WDFY2: variants seen among roughly 807,000 people sequenced by gnomAD.
WDFY2 encodes WD repeat and FYVE domain containing 2, also known as WD repeat and FYVE domain-containing protein 2.
A neutral mutation model predicts 56.4 loss-of-function variants in WDFY2; 36 were observed. That is an observed-to-expected ratio of 0.64 (90% CI 0.49 to 0.84). The LOEUF (loss-of-function observed/expected upper bound fraction) is 0.84. WDFY2 is among the 40% of genes least tolerant of loss of function. WDFY2 has a pLI of 0.00. For missense variants in WDFY2, 444 were observed against 512.2 expected, an observed-to-expected ratio of 0.87 and a Z score of 1.29; for synonymous variants, 176 against 183.7, an observed-to-expected ratio of 0.96 and a Z score of 0.34.
rs779441890 is a variant in WDFY2 at position 51,727,670 on chromosome 13, C to G, written c.486-8C>G. ...TTTGAGAAACAATCCTTAATGCTTTCATGACAGATTTGATGTTGAAACCCG... is the reference window on the plus strand; with the variant it reads ...TTTGAGAAACAATCCTTAATGCTTTGATGACAGATTTGATGTTGAAACCCG... On this transcript the variant is annotated splice_polypyrimidine_tract_variant and splice_region_variant and intron_variant, in intron 5 of 11. Coordinates refer to ENST00000298125, the MANE Select transcript of WDFY2 (RefSeq NM_052950.4). The G allele has an allele frequency of 6.2e-7, 1 of 1,611,448 alleles. No homozygotes were observed. The highest frequency in any genetic ancestry group is 8.5e-7 in the Non-Finnish European group (1 of 1,178,796).
At chr13:51,607,575 T>G (rs1954406184) in intron 1 of WDFY2, among the ~76,000 whole-genome samples, 1 of 152,204 alleles carries the variant, frequency 6.6e-6, no homozygotes, top group East Asian at 1.9e-4. Flanking sequence ...CATAAAATAA[T>G]GTATCTTATC....
At chr13:51,703,532 T>C (rs943499487) in intron 3 of WDFY2, 64 bp from the exon 4 acceptor site, 2 of 1,266,676 alleles carry the variant, frequency 1.6e-6, no homozygotes, top group African/African-American at 3.0e-5. Flanking sequence ...AGTCTGGTTT[T>C]ACCAAATATA....
intron 1 of WDFY2, among the ~76,000 whole-genome samples, chr13:51,640,992 C>A (rs1174481109): frequency 1.3e-5 from 2 of 152,188 alleles, no homozygotes; most frequent in African/African-American, 4.8e-5. Flanking sequence ...TTCTGCTCTG[C>A]TGTATTTAAT....
intron 2 of WDFY2, among the ~76,000 whole-genome samples, chr13:51,672,785 T>C (rs1955828066): frequency 6.6e-6 from 1 of 152,220 alleles, no homozygotes; most frequent in African/African-American, 2.4e-5. Context: ...ATCCCAAGTA[T>C]GTTATTTTAT....
intron 1 of WDFY2, among the ~76,000 whole-genome samples, chr13:51,642,719 T>C (rs1376516852): frequency 6.8e-6 from 1 of 146,260 alleles, no homozygotes; most frequent in African/African-American, 2.6e-5. Context: ...TCTCACTCTG[T>C]CGCCAGGCTG....
chr13:51,618,239 A>T (rs1052483681), intron 1 of WDFY2, among the ~76,000 whole-genome samples: 1 of 152,224 alleles, frequency 6.6e-6, no homozygotes, highest in Non-Finnish European at 1.5e-5. Context: ...TTTTTTGAGC[A>T]CTGACTATGT....
intron 1 of WDFY2, among the ~76,000 whole-genome samples, chr13:51,618,830 T>G (rs1954672257): frequency 6.6e-6 from 1 of 152,226 alleles, no homozygotes; most frequent in Non-Finnish European, 1.5e-5. Flanking sequence ...CAATAAAGGC[T>G]TAGAGTCCTT....
Position 51,617,315 on chromosome 13 carries a change from A to G in WDFY2, c.137+32491A>G, listed in dbSNP as rs1405027048. Among the ~76,000 whole-genome samples, 4 of 152,156 alleles carry G rather than the reference A, an allele frequency of 2.6e-5. No individual in the cohort carries two copies. In the East Asian group the frequency reaches 7.7e-4, roughly 29 times the overall value. On this transcript the variant is annotated intron_variant, in intron 1 of 11. Coordinates refer to ENST00000298125, the MANE Select transcript of WDFY2 (RefSeq NM_052950.4). ...GAAAGGAAATCTTTTTAGATCCTTT[A>G]TATATGAAGTCCAAGTACAGAATTC...
rs532192172 is a variant in WDFY2, at chr13:51,600,831, G to T, written c.137+16007G>T. Among the ~76,000 whole-genome samples the T allele has an allele frequency of 4.6e-5, 7 of 152,302 alleles. 1 individual carries two copies. The South Asian group carries it at 1.2e-3, about 27-fold the overall frequency. ...GCCCTTTTCGTTGGTCATTGCTTTAGTAGTAGCGGAATAATGAACACTCAC... is the reference window on the plus strand; with the variant it reads ...GCCCTTTTCGTTGGTCATTGCTTTATTAGTAGCGGAATAATGAACACTCAC... On this transcript the variant is annotated intron_variant, in intron 1 of 11. Transcript: ENST00000298125.
At chr13:51,677,621 T>A (rs1955909374) in intron 3 of WDFY2, among the ~76,000 whole-genome samples, 1 of 152,192 alleles carries the variant, frequency 6.6e-6, no homozygotes, top group Non-Finnish European at 1.5e-5. Flanking sequence ...TTATTTCACT[T>A]TATTTTACTG....
At position 51,739,138 on chromosome 13, in the gene WDFY2, G is replaced by A; in HGVS notation, c.688G>A (p.Gly230Arg). 1.9e-6 allele frequency: 3 copies of A among 1,597,908 alleles called. No homozygotes were observed. Among genetic ancestry groups the A allele is most frequent in the Non-Finnish European group, 2.6e-6 (3 of 1,172,494 alleles). The change falls in exon 7 of 12, where the codon GGG (glycine) becomes AGG (arginine). Residue 230 changes from glycine to arginine, a missense_variant. Coordinates refer to ENST00000298125, the MANE Select transcript of WDFY2 (RefSeq NM_052950.4). ...CTCTGTCATCATGTGGGACATCGGT[G>A]GGAGAAAAGGAACAGCCATCGAGCT... ...DHSVIMWDIGGRKGTAIELQG... is the reference protein window; with the variant it reads ...DHSVIMWDIGRRKGTAIELQG...
intron 3 of WDFY2, among the ~76,000 whole-genome samples, chr13:51,675,568 A>G (rs1955872614): frequency 6.6e-6 from 1 of 152,200 alleles, no homozygotes; most frequent in Non-Finnish European, 1.5e-5. Context: ...TCAGATGGTT[A>G]ATCATGGTGC....
chr13:51,590,952 C>T (rs1044650217), intron 1 of WDFY2: 3 of 152,154 alleles, frequency 2.0e-5, no homozygotes, highest in African/African-American at 7.2e-5. Flanking sequence ...CTCCTTGTCT[C>T]TTGGCAGGGA....
At chr13:51,637,766 G>A (rs1461059854) in intron 1 of WDFY2, among the ~76,000 whole-genome samples, 1 of 152,146 alleles carries the variant, frequency 6.6e-6, no homozygotes, top group Non-Finnish European at 1.5e-5. Flanking sequence ...AAGATAATGG[G>A]GAGATGTGCT....
chr13:51,656,463 C>A (rs1383356669), intron 1 of WDFY2, among the ~76,000 whole-genome samples: 1 of 151,876 alleles, frequency 6.6e-6, no homozygotes, highest in African/African-American at 2.4e-5. Flanking sequence ...CATGTATGTT[C>A]TGTTGTTGTT....
intron 3 of WDFY2, among the ~76,000 whole-genome samples, chr13:51,696,422 G>A (rs1384292516): frequency 1.3e-5 from 2 of 152,132 alleles, no homozygotes; most frequent in Admixed American, 6.5e-5. Flanking sequence ...AAAGAATTTA[G>A]GAGCACATAG....
chr13:51,644,350 A>G (rs1368330213), intron 1 of WDFY2, among the ~76,000 whole-genome samples: 1 of 152,206 alleles, frequency 6.6e-6, no homozygotes, highest in Non-Finnish European at 1.5e-5. Context: ...TAAGACAACC[A>G]TTTCCAGGTA....
At chr13:51,693,393 C>T (rs1213878374) in intron 3 of WDFY2, among the ~76,000 whole-genome samples, 1 of 151,618 alleles carries the variant, frequency 6.6e-6, no homozygotes, top group Non-Finnish European at 1.5e-5. Context: ...TCTTTGTTCT[C>T]ATTGGTTTCA....
chr13:51,636,530 C>G (rs549092756), intron 1 of WDFY2, among the ~76,000 whole-genome samples: 25 of 152,182 alleles, frequency 1.6e-4, no homozygotes, highest in Admixed American at 1.3e-3. Flanking sequence ...CAGCAATTAC[C>G]CGGGGTCAGG....
Sources: gnomAD v4.1 joint callset for allele counts (sites outside exome capture counted in the v4.1 genomes callset) on GRCh38, gnomAD v4.1.1 for gene constraint, MANE v1.5 for transcripts, NCBI Gene and HGNC (gene_info 2026-07-23, HGNC 2026-07-21) for gene names.